Variants in FAM20C observed in about 807,000 individuals in gnomAD.
FAM20C encodes the protein FAM20C golgi associated secretory pathway kinase.
FAM20C carries 40 observed loss-of-function variants against 51.5 expected under a neutral mutation model. That is an observed-to-expected ratio of 0.78 (90% CI 0.60 to 1.01). The LOEUF (loss-of-function observed/expected upper bound fraction) is 1.01, where lower values mean the gene tolerates loss of function less well. Ranked by LOEUF, FAM20C falls within the 50% of genes least tolerant of loss-of-function variation. The pLI is 0.00. For missense variants in FAM20C, 861 were observed against 844.7 expected, an observed-to-expected ratio of 1.02 and a Z score of -0.24; for synonymous variants, 406 against 380.6, an observed-to-expected ratio of 1.07 and a Z score of -0.78.
chr7:256,308 T>C, intron 6 of FAM20C: 1 of 577,822 alleles, frequency 1.7e-6, no homozygotes, highest in African/African-American at 1.9e-5. Context: ...TCTCGCCCCG[T>C]CCCTCTCCTC....
At chr7:195,038 C>T (rs745562936) in intron 1 of FAM20C, among the ~76,000 whole-genome samples, 8 of 152,182 alleles carry the variant, frequency 5.3e-5, no homozygotes, top group Non-Finnish European at 1.2e-4. Flanking sequence ...TCATTAAAAT[C>T]AAATTTAGCC....
chr7:259,606 G>A, intron 9 of FAM20C, 125 bp from the exon 10 acceptor site: 1 of 927,962 alleles, frequency 1.1e-6, no homozygotes, highest in Non-Finnish European at 1.4e-6. Flanking sequence ...CTCTGTCTCT[G>A]TCCCCCTCTT....
In FAM20C at chr7:257,063, C is replaced by T. The variant is rs1192619884; in HGVS notation, c.1422C>T (p.Ile474=). The change falls in exon 8 of 10, where the codon ATC becomes ATT. Residue 474 remains isoleucine (I), a synonymous_variant. Coordinates refer to ENST00000313766, the MANE Select transcript of FAM20C (RefSeq NM_020223.4). ...TFEKFGNETF[I]IHLDNGRGFG... The stretch of plus-strand genomic sequence containing the variant: ...AGAAGTTTGGGAATGAAACGTTCAT[C>T]ATCCACTTAGACAATGGAAGAGGGT... 4.6e-6 allele frequency: 7 copies of T among 1,537,012 alleles called. No individual in the cohort carries two copies. The highest frequency in any genetic ancestry group is 3.9e-5 in the Admixed American group (2 of 50,988).
chr7:222,966 C>T (rs1355310287), intron 3 of FAM20C, among the ~76,000 whole-genome samples: 1 of 151,742 alleles, frequency 6.6e-6, no homozygotes, highest in African/African-American at 2.4e-5. Context: ...GGGCGTTCAT[C>T]TGTTGTCATG....
chr7:236,966 C>G (rs996775205), intron 3 of FAM20C, among the ~76,000 whole-genome samples: 1 of 152,150 alleles, frequency 6.6e-6, no homozygotes, highest in African/African-American at 2.4e-5. Context: ...GGACAGAAAG[C>G]GTGTCATCAC....
At position 196,274 on chromosome 7, in the gene FAM20C, A is replaced by ATC. The variant is rs1285371442; in HGVS notation, c.784+543_784+544insCT. On this transcript the variant is annotated intron_variant, in intron 2 of 9. Transcript: ENST00000313766. ...CAGGACGGAGGCCTGGGCCTCCCAGATGGAGGAGTTTGAAGGCAACATCTC... is the reference window on the plus strand; with the variant it reads ...CAGGACGGAGGCCTGGGCCTCCCAGATCTGGAGGAGTTTGAAGGCAACATCTC... Among the ~76,000 whole-genome samples the ATC allele has an allele frequency of 2.0e-5, 3 of 151,346 alleles. No homozygotes were observed. In the East Asian group the frequency reaches 5.8e-4, roughly 29 times the overall value.
chr7:193,188 GC>G lies in FAM20C; in HGVS notation c.-9del. On this transcript the variant is annotated 5_prime_UTR_variant, in exon 1 of 10. Transcript: ENST00000313766. Reference sequence around the variant, plus strand: ...CAGAACGCGCTCCAGGCCCGGGCCGGCCCGCGCGGCCATGAAGATGATGCTG... The same window carrying G: ...CAGAACGCGCTCCAGGCCCGGGCCGGCCGCGCGGCCATGAAGATGATGCTG... The G allele has an allele frequency of 6.9e-7, 1 of 1,450,930 alleles. No individual in the cohort carries two copies. Among genetic ancestry groups the G allele is most frequent in the Non-Finnish European group, 9.1e-7 (1 of 1,095,800 alleles). The allele number at this position is 1,450,930 out of a possible 1,614,324, so 89.9% of individuals were successfully genotyped here.
chr7:194,814 G>A (rs779488927), intron 1 of FAM20C, among the ~76,000 whole-genome samples: 8 of 151,026 alleles, frequency 5.3e-5, no homozygotes, highest in South Asian at 2.1e-4. Flanking sequence ...ACAGAGCTTC[G>A]GCAGAAAGCA....
At chr7:198,513 T>C (rs1785986084) in intron 2 of FAM20C, among the ~76,000 whole-genome samples, 1 of 152,240 alleles carries the variant, frequency 6.6e-6, no homozygotes. Flanking sequence ...TCCTGATTTT[T>C]CTCTGTTACA....
Position 195,399 on chromosome 7 carries a change from C to T in FAM20C, c.606-155C>T, listed in dbSNP as rs78062493. 1,477 of 575,936 alleles carry T rather than the reference C, an allele frequency of 2.6e-3. 11 individuals are homozygous for T. The highest frequency in any genetic ancestry group is 0.011 in the African/African-American group (583 of 52,080). 35.7% of individuals were successfully genotyped at this position (575,936 alleles called of 1,614,324 possible). A position where few individuals can be genotyped will look rare whatever the true frequency, so the allele number is the denominator to read the frequency against. ...GAGCGGCCACAGAAGAAAGCGCAGA[C>T]GTTGCAGGGCCCTCTTTAAGCAGAG... On this transcript the variant is annotated intron_variant, in intron 1 of 9. Transcript: ENST00000313766.
At chr7:206,545 GT>G (rs1562368082) in intron 2 of FAM20C, among the ~76,000 whole-genome samples, 82 of 90,846 alleles carry the variant, frequency 9.0e-4, no homozygotes, top group Non-Finnish European at 1.2e-3. Context: ...CTGCACACGT[GT>G]CCACTGTGAC....
At chr7:243,053 AC>A (rs1788004102) in intron 3 of FAM20C, among the ~76,000 whole-genome samples, 1 of 142,064 alleles carries the variant, frequency 7.0e-6, no homozygotes, top group African/African-American at 2.7e-5. Flanking sequence ...CACCCAGGAG[AC>A]CTGTGCCACC....
chr7:258,678 T>A lies in FAM20C; in HGVS notation c.1478T>A (p.Ile493Asn), dbSNP rs1788745849. ...AAGTATTCGCACGACGAGCTCTCCA[T>A]CCTGGTGCCGCTACAGCAGTGCTGC... ...FGKYSHDELS[I>N]LVPLQQCCRI... Residue 493 changes from isoleucine (I) to asparagine (N), a missense_variant, in exon 9 of 10, where the codon ATC becomes AAC. By Grantham distance (149) the Ile-to-Asn change is moderately radical. Coordinates refer to ENST00000313766, the MANE Select transcript of FAM20C (RefSeq NM_020223.4). 6.5e-7 allele frequency: 1 copy of A among 1,536,564 alleles called. No individual in the cohort carries two copies. Among genetic ancestry groups the A allele is most frequent in the Non-Finnish European group, 8.7e-7 (1 of 1,146,518 alleles).
intron 7 of FAM20C, 115 bp downstream of exon 7, chr7:256,878 G>A: frequency 7.1e-7 from 1 of 1,412,106 alleles, no homozygotes; most frequent in Non-Finnish European, 9.7e-7. Flanking sequence ...CCTGTGGCCT[G>A]TGAAGGGGCC....
intron 2 of FAM20C, among the ~76,000 whole-genome samples, chr7:207,626 G>A (rs1013333925): frequency 4.0e-4 from 61 of 152,226 alleles, no homozygotes; most frequent in Middle Eastern, 3.2e-3. Context: ...CGTCTGTGCC[G>A]GCAGGGATGC....
chr7:248,769 C>T (rs952199215), intron 5 of FAM20C, among the ~76,000 whole-genome samples: 21 of 148,688 alleles, frequency 1.4e-4, no homozygotes, highest in Non-Finnish European at 2.7e-4. Flanking sequence ...TAGCCTGGCA[C>T]GGGGAGACCA....
chr7:247,172 G>C (rs933171510), intron 4 of FAM20C, among the ~76,000 whole-genome samples: 1 of 152,222 alleles, frequency 6.6e-6, no homozygotes, highest in East Asian at 1.9e-4. Context: ...CCCCACGGTC[G>C]CCTGTCTCCA....
At chr7:223,261 C>T (rs1052774247) in intron 3 of FAM20C, among the ~76,000 whole-genome samples, 20 of 152,130 alleles carry the variant, frequency 1.3e-4, no homozygotes, top group African/African-American at 4.3e-4. Flanking sequence ...GGGATGGAGA[C>T]GTGGGGATTT....
chr7:217,400 C>A (rs79101159), intron 3 of FAM20C, among the ~76,000 whole-genome samples: 1 of 145,960 alleles, frequency 6.9e-6, no homozygotes, highest in Non-Finnish European at 1.5e-5. Context: ...CAGCCCCTCC[C>A]GGGTGCCCCC....
Sources: allele counts gnomAD v4.1 joint callset (sites outside exome capture counted in the v4.1 genomes callset), GRCh38; gene constraint gnomAD v4.1.1; transcripts MANE v1.5; gene names NCBI Gene and HGNC (gene_info 2026-07-23, HGNC 2026-07-21).